PCDH15: variants seen among roughly 807,000 people sequenced by gnomAD.
The protein encoded by PCDH15 is protocadherin-15.
PCDH15 carries 129 observed loss-of-function variants against 178.5 expected under a neutral mutation model. That is an observed-to-expected ratio of 0.72 (90% CI 0.63 to 0.84). The LOEUF is 0.84. Among genes scored for constraint, PCDH15 ranks in the 40% least tolerant of loss-of-function variants. The probability of loss-of-function intolerance (pLI) is 0.00; values close to 1 mark genes in which losing one functional copy is unlikely to be tolerated. For synonymous variants in PCDH15, 800 were observed against 732.0 expected (o/e 1.09, Z -1.50); for missense variants, 2,230 against 2,099.9 (o/e 1.06, Z -1.21).
At chr10:54,930,571 TG>T (rs1446208104) in intron 2 of PCDH15, among the ~76,000 whole-genome samples, 1 of 152,204 alleles carries the variant, frequency 6.6e-6, no homozygotes, top group East Asian at 1.9e-4. Flanking sequence ...TTTCAACACT[TG>T]TGTGACTAGC....
At chr10:55,474,576 C>A (rs541901148) in intron 2 of PCDH15, among the ~76,000 whole-genome samples, 1 of 152,200 alleles carries the variant, frequency 6.6e-6, no homozygotes, top group African/African-American at 2.4e-5. Context: ...ATGTAATTCT[C>A]AAAATATAAG....
intron 5 of PCDH15, among the ~76,000 whole-genome samples, chr10:54,361,808 T>A (rs1476351953): frequency 6.6e-6 from 1 of 152,090 alleles, no homozygotes; most frequent in Non-Finnish European, 1.5e-5. Flanking sequence ...GGGAAATAAA[T>A]ATGAATTTTC....
At chr10:54,756,871 G>A (rs1947203249) in intron 1 of PCDH15, among the ~76,000 whole-genome samples, 1 of 152,132 alleles carries the variant, frequency 6.6e-6, no homozygotes, top group Non-Finnish European at 1.5e-5. Flanking sequence ...GTTACACTTT[G>A]ATACATCCAC....
intron 2 of PCDH15, among the ~76,000 whole-genome samples, chr10:55,401,470 C>T (rs1031105964): frequency 7.9e-5 from 12 of 152,118 alleles, no homozygotes; most frequent in Non-Finnish European, 1.6e-4. Flanking sequence ...CAGTACATCA[C>T]TGTATTTGTA....
intron 1 of PCDH15, among the ~76,000 whole-genome samples, chr10:54,685,779 A>T (rs2094986390): frequency 6.6e-6 from 1 of 152,164 alleles, no homozygotes; most frequent in South Asian, 2.1e-4. Flanking sequence ...AGTTGGGCAA[A>T]ATCATCTAAT....
intron 13 of PCDH15, among the ~76,000 whole-genome samples, chr10:54,157,035 T>TC (rs972084289): frequency 5.9e-5 from 9 of 152,150 alleles, no homozygotes; most frequent in Non-Finnish European, 8.8e-5. Context: ...GGGGACAGCC[T>TC]CCCCCCCAAC....
At chr10:53,940,100 T>C (rs2085921987) in intron 24 of PCDH15, among the ~76,000 whole-genome samples, 1 of 152,104 alleles carries the variant, frequency 6.6e-6, no homozygotes, top group South Asian at 2.1e-4. Flanking sequence ...CTCTTTTACA[T>C]TCACTCATTT....
intron 15 of PCDH15, among the ~76,000 whole-genome samples, chr10:54,123,412 A>G (rs4397745): frequency 0.24 from 35,775 of 152,074 alleles, 5,496 homozygotes; most frequent in East Asian, 0.86. Context: ...CAAGAAATAT[A>G]TGAAAAAAAT....
chr10:54,125,792 T>C (rs995397966), intron 15 of PCDH15, among the ~76,000 whole-genome samples: 9 of 151,994 alleles, frequency 5.9e-5, no homozygotes, highest in Non-Finnish European at 1.3e-4. Context: ...ATTGATGCTA[T>C]TATTATTAAT....
intron 15 of PCDH15, among the ~76,000 whole-genome samples, chr10:54,103,201 A>G (rs2094844351): frequency 6.6e-6 from 1 of 152,158 alleles, no homozygotes; most frequent in Non-Finnish European, 1.5e-5. Context: ...TCCATTCTAC[A>G]TAGAAGTTTT....
intron 10 of PCDH15, among the ~76,000 whole-genome samples, chr10:54,205,178 T>C (rs527508313): frequency 6.6e-6 from 1 of 152,148 alleles, no homozygotes; most frequent in Non-Finnish European, 1.5e-5. Flanking sequence ...TCAGTAGTCG[T>C]TTGGGATCAG....
intron 1 of PCDH15, among the ~76,000 whole-genome samples, chr10:55,292,505 T>C (rs1021565321): frequency 6.6e-6 from 1 of 152,058 alleles, no homozygotes; most frequent in African/African-American, 2.4e-5. Context: ...CTTCAGCTCC[T>C]GGAGTAGCTG....
At chr10:53,858,829 T>A (rs1234218412) in intron 27 of PCDH15, among the ~76,000 whole-genome samples, 3 of 152,174 alleles carry the variant, frequency 2.0e-5, no homozygotes, top group Non-Finnish European at 4.4e-5. Flanking sequence ...TCATTACAGT[T>A]TTTGTATCAC....
intron 1 of PCDH15, among the ~76,000 whole-genome samples, chr10:55,221,905 C>T (rs984010974): frequency 3.3e-5 from 5 of 149,364 alleles, no homozygotes; most frequent in African/African-American, 7.4e-5. Context: ...CTCACTCTGT[C>T]GCCCAGGCTG....
At chr10:54,967,898 T>C (rs1173325438) in intron 2 of PCDH15, among the ~76,000 whole-genome samples, 2 of 152,188 alleles carry the variant, frequency 1.3e-5, no homozygotes, top group African/African-American at 4.8e-5. Flanking sequence ...TGCACCTCAC[T>C]GGCATCACCC....
At chr10:54,423,513 G>C (rs937375734) in intron 3 of PCDH15, among the ~76,000 whole-genome samples, 1 of 151,760 alleles carries the variant, frequency 6.6e-6, no homozygotes, top group Non-Finnish European at 1.5e-5. Flanking sequence ...TCACAGTAAG[G>C]AGATGGATCA....
chr10:55,100,977 T>G (rs1842562872), intron 2 of PCDH15, among the ~76,000 whole-genome samples: 1 of 152,194 alleles, frequency 6.6e-6, no homozygotes. Context: ...TGTGTATACT[T>G]TTCCTAAGAA....
intron 5 of PCDH15, among the ~76,000 whole-genome samples, chr10:54,368,308 C>A (rs1947113437): frequency 6.6e-6 from 1 of 151,480 alleles, no homozygotes; most frequent in African/African-American, 2.4e-5. Flanking sequence ...AGCAGGCATG[C>A]AAATTTTTAA....
At chr10:54,096,569 A>G (rs1204068772) in intron 15 of PCDH15, among the ~76,000 whole-genome samples, 1 of 152,138 alleles carries the variant, frequency 6.6e-6, no homozygotes, top group Non-Finnish European at 1.5e-5. Flanking sequence ...GGGCTGAGAG[A>G]TTCAAGATCA....
Sources: gnomAD v4.1 joint callset for allele counts (sites outside exome capture counted in the v4.1 genomes callset) on GRCh38, gnomAD v4.1.1 for gene constraint, MANE v1.5 for transcripts, NCBI Gene and HGNC (gene_info 2026-07-23, HGNC 2026-07-21) for gene names.